Variants in NARS2 observed in about 807,000 individuals in gnomAD.
NARS2 encodes asparaginyl-tRNA synthetase 2, mitochondrial.
In NARS2, 60 loss-of-function variants were observed where a neutral mutation model predicts 62.9. The observed-to-expected ratio is 0.95, with a 90% confidence interval of 0.77 to 1.18. The LOEUF (loss-of-function observed/expected upper bound fraction) is 1.18. Ranked by LOEUF, NARS2 falls within the 50% of genes most tolerant of loss-of-function variation. The pLI, the probability that NARS2 is intolerant of heterozygous loss-of-function variation, is 0.00. For missense variants in NARS2, 619 were observed against 576.4 expected (o/e 1.07, Z -0.76); for synonymous variants, 196 against 200.0 (o/e 0.98, Z 0.17).
chr11:78,519,053 T>C (rs1310021688), intron 6 of NARS2, among the ~76,000 whole-genome samples: 1 of 152,094 alleles, frequency 6.6e-6, no homozygotes, highest in African/African-American at 2.4e-5. Flanking sequence ...CAAATGACTA[T>C]AAATGAACAA....
intron 11 of NARS2, among the ~76,000 whole-genome samples, chr11:78,452,407 G>A (rs937431298): frequency 2.0e-5 from 3 of 151,154 alleles, no homozygotes; most frequent in Non-Finnish European, 4.4e-5. Context: ...GTGTCTGGCC[G>A]ATTTTTTTTT....
chr11:78,478,308 A>G (rs1859192535), intron 9 of NARS2, 130 bp downstream of exon 9: 2 of 296,098 alleles, frequency 6.8e-6, no homozygotes, highest in Non-Finnish European at 1.2e-5. Flanking sequence ...ATATAGACAT[A>G]TAATATGTCT....
chr11:78,516,397 G>C (rs1860911916), intron 6 of NARS2, among the ~76,000 whole-genome samples: 1 of 152,188 alleles, frequency 6.6e-6, no homozygotes, highest in East Asian at 1.9e-4. Flanking sequence ...ATTTAAAAAT[G>C]CACTTCCGTG....
intron 1 of NARS2, among the ~76,000 whole-genome samples, chr11:78,572,455 C>T (rs756068815): frequency 2.0e-5 from 3 of 152,172 alleles, no homozygotes; most frequent in Non-Finnish European, 2.9e-5. Flanking sequence ...TTTCTTACTT[C>T]AAAGTTCATG....
At chr11:78,474,694 G>A (rs768379505) in intron 9 of NARS2, among the ~76,000 whole-genome samples, 2 of 152,162 alleles carry the variant, frequency 1.3e-5, no homozygotes, top group Non-Finnish European at 1.5e-5. Context: ...GCTAAGTCCT[G>A]GGGGTATAAG....
intron 5 of NARS2, among the ~76,000 whole-genome samples, chr11:78,552,078 A>G (rs1259946794): frequency 6.6e-6 from 1 of 152,130 alleles, no homozygotes. Flanking sequence ...TTTGTTGTAC[A>G]TATTACATAA....
intron 11 of NARS2, among the ~76,000 whole-genome samples, chr11:78,465,252 C>T (rs1034096985): frequency 5.3e-5 from 8 of 152,236 alleles, no homozygotes; most frequent in East Asian, 3.8e-4. Context: ...CCGCAAGCAC[C>T]GCAGGCAGCC....
intron 6 of NARS2, among the ~76,000 whole-genome samples, chr11:78,501,005 T>C (rs1040268439): frequency 3.9e-5 from 6 of 151,988 alleles, no homozygotes; most frequent in African/African-American, 9.7e-5. Flanking sequence ...AGCAGGAGGA[T>C]TGATTGAGCC....
chr11:78,526,888 T>C (rs984782789), intron 6 of NARS2, among the ~76,000 whole-genome samples: 4 of 152,168 alleles, frequency 2.6e-5, no homozygotes, highest in Non-Finnish European at 5.9e-5. Flanking sequence ...ACCTTGAATA[T>C]AAGGCCAAAA....
chr11:78,490,735 T>C (rs1294900365), intron 7 of NARS2, among the ~76,000 whole-genome samples: 1 of 151,608 alleles, frequency 6.6e-6, no homozygotes, highest in Non-Finnish European at 1.5e-5. Flanking sequence ...CACTCCACCC[T>C]GGCAGACAAG....
intron 6 of NARS2, among the ~76,000 whole-genome samples, chr11:78,503,188 C>T (rs1860351880): frequency 6.6e-6 from 1 of 152,034 alleles, no homozygotes; most frequent in Non-Finnish European, 1.5e-5. Flanking sequence ...AGTCCAAATC[C>T]AGGGCCCACT....
intron 10 of NARS2, 86 bp downstream of exon 10, chr11:78,469,161 A>T: frequency 4.4e-6 from 4 of 901,166 alleles, no homozygotes; most frequent in South Asian, 1.5e-5. Context: ...AATTAAGATG[A>T]TTTTGAAAGA....
Position 78,463,167 on chromosome 11 carries a change from T to C in NARS2, c.1164+2709A>G, listed in dbSNP as rs566274994. ...GAAGCCTCGAGTTCCTAGGCTCCAGTAATTCTCTCACCTCAGCCTCTTGAG... is the reference window on the plus strand; with the variant it reads ...GAAGCCTCGAGTTCCTAGGCTCCAGCAATTCTCTCACCTCAGCCTCTTGAG... On this transcript the variant is annotated intron_variant, in intron 11 of 13. Coordinates refer to ENST00000281038, the MANE Select transcript of NARS2 (RefSeq NM_024678.6). 1.4e-3 allele frequency among the ~76,000 whole-genome samples: 210 copies of C among 152,268 alleles called. 1 individual carries two copies. Among genetic ancestry groups the C allele is most frequent in the African/African-American group, 4.9e-3 (205 of 41,568 alleles).
intron 6 of NARS2, among the ~76,000 whole-genome samples, chr11:78,495,831 TAGTAC>T (rs1485977817): frequency 6.6e-6 from 1 of 152,180 alleles, no homozygotes; most frequent in Non-Finnish European, 1.5e-5. Flanking sequence ...AGGTTGGCAA[TAGTAC>T]AGTACATCTA....
At chr11:78,529,854 T>C (rs1327888562) in intron 5 of NARS2, among the ~76,000 whole-genome samples, 1 of 152,166 alleles carries the variant, frequency 6.6e-6, no homozygotes, top group Non-Finnish European at 1.5e-5. Flanking sequence ...TGCACTTATT[T>C]GAAAATGTTT....
intron 5 of NARS2, among the ~76,000 whole-genome samples, chr11:78,537,005 T>C (rs919763415): frequency 6.6e-6 from 1 of 152,222 alleles, no homozygotes; most frequent in African/African-American, 2.4e-5. Context: ...GGGTATTCAG[T>C]ACAGCAACAT....
intron 6 of NARS2, among the ~76,000 whole-genome samples, chr11:78,495,587 G>C (rs966619631): frequency 1.3e-5 from 2 of 152,108 alleles, no homozygotes; most frequent in African/African-American, 2.4e-5. Context: ...AGATAAAACA[G>C]GTGCTCATGC....
intron 6 of NARS2, among the ~76,000 whole-genome samples, chr11:78,513,049 A>C (rs1860773863): frequency 6.6e-6 from 1 of 152,072 alleles, no homozygotes; most frequent in Admixed American, 6.5e-5. Flanking sequence ...CAGGAGTTTG[A>C]GGCCACCCTG....
At chr11:78,558,428 C>A (rs888709152) in intron 5 of NARS2, 1 of 152,060 alleles carries the variant, frequency 6.6e-6, no homozygotes, top group Admixed American at 6.5e-5. Flanking sequence ...AGCACTGAAC[C>A]GGAGAAAGCA....
Sources: gnomAD v4.1 joint callset for allele counts (sites outside exome capture counted in the v4.1 genomes callset) on GRCh38, gnomAD v4.1.1 for gene constraint, MANE v1.5 for transcripts, NCBI Gene and HGNC (gene_info 2026-07-23, HGNC 2026-07-21) for gene names.